The following SMYD3 variants were observed in gnomAD, a reference collection of about 807,000 sequenced individuals.
SMYD3 encodes histone-lysine N-methyltransferase SMYD3.
SMYD3 carries 36 observed loss-of-function variants against 57.7 expected under a neutral mutation model. The observed-to-expected ratio is 0.62, with a 90% CI of 0.48 to 0.82. SMYD3 has a LOEUF of 0.82. SMYD3 is among the 40% of genes least tolerant of loss of function. The probability of loss-of-function intolerance (pLI) is 0.00; values close to 1 mark genes in which losing one functional copy is unlikely to be tolerated. For missense variants in SMYD3, 515 were observed against 538.8 expected (o/e 0.96, Z 0.44); for synonymous variants, 211 against 195.0 (o/e 1.08, Z -0.68).
intron 1 of SMYD3, among the ~76,000 whole-genome samples, chr1:246,419,608 C>T (rs1194362864): frequency 6.6e-6 from 1 of 152,184 alleles, no homozygotes; most frequent in East Asian, 1.9e-4. Context: ...CCCAGCACTT[C>T]CCTTACCCCC....
chr1:245,957,676 A>T (rs976924603), intron 5 of SMYD3, among the ~76,000 whole-genome samples: 4 of 152,222 alleles, frequency 2.6e-5, no homozygotes, highest in African/African-American at 9.6e-5. Flanking sequence ...CGTATCTGTC[A>T]TATCAGTACT....
At chr1:245,805,057 A>T (rs897640650) in intron 10 of SMYD3, among the ~76,000 whole-genome samples, 10 of 152,316 alleles carry the variant, frequency 6.6e-5, no homozygotes, top group Non-Finnish European at 1.5e-4. Flanking sequence ...AGTCTGATTC[A>T]CAAGTACATG....
chr1:246,434,973 ACTT>A (rs1188224408), intron 1 of SMYD3, among the ~76,000 whole-genome samples: 1 of 152,228 alleles, frequency 6.6e-6, no homozygotes, highest in East Asian at 1.9e-4. Context: ...CCCATGGAAT[ACTT>A]AGCCATAAAA....
intron 5 of SMYD3, among the ~76,000 whole-genome samples, chr1:246,194,429 C>T (rs572177038): frequency 1.1e-3 from 165 of 152,108 alleles, no homozygotes; most frequent in Non-Finnish European, 2.1e-3. Context: ...CCATCATGCC[C>T]GGCTAATTTT....
rs2148285873 is a variant in SMYD3, at chr1:245,810,489, C to A, written c.1077-46340G>T. Reference sequence around the variant, plus strand: ...GGCAAGACTGTGGTCTGTGAGTAGTCAGGAAGCCAGTCGACAGCACCTACT... The same window carrying A: ...GGCAAGACTGTGGTCTGTGAGTAGTAAGGAAGCCAGTCGACAGCACCTACT... On this transcript the variant is annotated intron_variant, in intron 10 of 11. Transcript: ENST00000490107. Among the ~76,000 whole-genome samples, 9 of 152,296 alleles carry A rather than the reference C, an allele frequency of 5.9e-5. No individual in the cohort carries two copies. In the South Asian group the frequency reaches 1.9e-3, roughly 32 times the overall value.
At chr1:246,416,459 A>T in intron 1 of SMYD3, among the ~76,000 whole-genome samples, 1 of 152,146 alleles carries the variant, frequency 6.6e-6, no homozygotes, top group Non-Finnish European at 1.5e-5. Flanking sequence ...TCACATGAAA[A>T]ATGAACCCTA....
At chr1:246,140,767 C>G (rs2061740787) in intron 5 of SMYD3, among the ~76,000 whole-genome samples, 1 of 152,080 alleles carries the variant, frequency 6.6e-6, no homozygotes, top group Non-Finnish European at 1.5e-5. Context: ...CACATGCCAT[C>G]ATGCCCCGTT....
At chr1:245,795,506 C>T (rs1242311764) in intron 10 of SMYD3, among the ~76,000 whole-genome samples, 1 of 152,184 alleles carries the variant, frequency 6.6e-6, no homozygotes, top group Non-Finnish European at 1.5e-5. Flanking sequence ...GGCTTCAGCT[C>T]CATCACTTCT....
In SMYD3 at chr1:246,165,122, A is replaced by G. The variant is rs573134296; in HGVS notation, c.531+162079T>C. On this transcript the variant is annotated intron_variant, in intron 5 of 11. Coordinates refer to ENST00000490107, the MANE Select transcript of SMYD3 (RefSeq NM_001167740.2). ...CGAAAGGGAGCGGTCCACAGGACAC[A>G]TGAAGTTAGAGTATCCGGAGGATTG... is the stretch of plus-strand genomic sequence containing the variant. Among the ~76,000 whole-genome samples, 102 of 152,348 alleles carry G rather than the reference A, an allele frequency of 6.7e-4. 1 individual carries two copies. The highest frequency in any genetic ancestry group is 2.2e-3 in the African/African-American group (92 of 41,574).
In SMYD3 at chr1:245,749,576, A is replaced by G. The variant is rs2045244125; in HGVS notation, c.1274T>C (p.Ile425Thr). Residue 425 changes from isoleucine to threonine, a missense_variant, in exon 12 of 12, where the codon ATC (isoleucine) becomes ACC (threonine). Coordinates refer to ENST00000490107, the MANE Select transcript of SMYD3 (RefSeq NM_001167740.2). Reference protein sequence around the residue: ...ILLLEECDANIRAS With the variant: ...ILLLEECDANTRAS ...GACTGCGTTCCCTTAGGATGCTCTG[A>G]TGTTGGCGTCGCATTCTTCTAAAAG... The G allele has an allele frequency of 6.2e-7, 1 of 1,613,888 alleles. No homozygotes were observed. Among genetic ancestry groups the G allele is most frequent in the African/African-American group, 1.3e-5 (1 of 74,924 alleles).
At chr1:245,954,597 G>A (rs981123492) in intron 5 of SMYD3, among the ~76,000 whole-genome samples, 1 of 152,112 alleles carries the variant, frequency 6.6e-6, no homozygotes, top group African/African-American at 2.4e-5. Flanking sequence ...GCTCGCTTGA[G>A]CCCCCAGGAA....
intron 5 of SMYD3, among the ~76,000 whole-genome samples, chr1:245,936,939 A>C (rs1395484948): frequency 6.6e-6 from 1 of 152,180 alleles, no homozygotes; most frequent in African/African-American, 2.4e-5. Flanking sequence ...TAAAGGAGAA[A>C]ACTAAAAATT....
At chr1:246,444,392 G>A (rs1345331227) in intron 1 of SMYD3, among the ~76,000 whole-genome samples, 2 of 152,118 alleles carry the variant, frequency 1.3e-5, no homozygotes, top group East Asian at 1.9e-4. Flanking sequence ...CCAAAGTGCT[G>A]GGATTACAGG....
rs546287958 is a variant in SMYD3 at position 246,346,052 on chromosome 1, A to AG, written c.228+8978dup. Among the ~76,000 whole-genome samples the AG allele has an allele frequency of 5.4e-3, 817 of 152,284 alleles. 7 individuals carry two copies. The highest frequency in any genetic ancestry group is 0.019 in the African/African-American group (784 of 41,566). On this transcript the variant is annotated intron_variant, in intron 2 of 11. Coordinates refer to ENST00000490107, the MANE Select transcript of SMYD3 (RefSeq NM_001167740.2). ...GTAATCCCAGCACTGTGGGAGGCCA[A>AG]GGGGGGTGGATCAAGAGGTCAGGAG...
At chr1:246,032,182 A>C (rs2059689869) in intron 5 of SMYD3, among the ~76,000 whole-genome samples, 1 of 152,212 alleles carries the variant, frequency 6.6e-6, no homozygotes, top group African/African-American at 2.4e-5. Context: ...TTGGGCAGGC[A>C]AACTGAGTTA....
chr1:245,922,468 T>C (rs954853964), intron 7 of SMYD3, among the ~76,000 whole-genome samples: 1 of 152,224 alleles, frequency 6.6e-6, no homozygotes, highest in Non-Finnish European at 1.5e-5. Flanking sequence ...TAGCAATCTT[T>C]CTTGCCGAGT....
intron 8 of SMYD3, among the ~76,000 whole-genome samples, chr1:245,911,344 C>T (rs1485011313): frequency 6.6e-6 from 1 of 151,924 alleles, no homozygotes. Context: ...TACCATATAA[C>T]CAAACAATCC....
intron 8 of SMYD3, among the ~76,000 whole-genome samples, chr1:245,899,136 G>T (rs915494156): frequency 1.3e-5 from 2 of 152,120 alleles, no homozygotes; most frequent in African/African-American, 2.4e-5. Context: ...TAGGTTCCAA[G>T]AAAAGCAGAA....
intron 5 of SMYD3, among the ~76,000 whole-genome samples, chr1:246,252,313 C>T (rs531372682): frequency 1.3e-5 from 2 of 152,246 alleles, no homozygotes; most frequent in South Asian, 4.1e-4. Flanking sequence ...CTCTGAATGG[C>T]GTATACACAA....
Sources: allele counts gnomAD v4.1 joint callset (sites outside exome capture counted in the v4.1 genomes callset), GRCh38; gene constraint gnomAD v4.1.1; transcripts MANE v1.5; gene names NCBI Gene and HGNC (gene_info 2026-07-23, HGNC 2026-07-21).